Variants in RBFOX3 observed in about 807,000 individuals in gnomAD.
The protein encoded by RBFOX3 is RNA binding protein fox-1 homolog 3.
In RBFOX3, 17 loss-of-function variants were observed where a neutral mutation model predicts 48.7. That is an observed-to-expected ratio of 0.35 (90% CI 0.24 to 0.52). The LOEUF (loss-of-function observed/expected upper bound fraction) is 0.52. Among genes scored for constraint, RBFOX3 ranks in the 20% least tolerant of loss-of-function variants. The pLI is 0.94. For synonymous variants in RBFOX3, 212 were observed against 209.5 expected (o/e 1.01, Z -0.10); for missense variants, 382 against 497.5 (o/e 0.77, Z 2.21).
chr17:79,640,205 C>T, the RBFOX3 span, among the ~76,000 whole-genome samples: 2 of 151,914 alleles, frequency 1.3e-5, no homozygotes, highest in African/African-American at 4.8e-5. Flanking sequence ...GAAAGTAATC[C>T]CATTCACAAT....
At chr17:79,607,338 A>G (rs901869415) in intron 1 of RBFOX3, among the ~76,000 whole-genome samples, 6 of 152,262 alleles carry the variant, frequency 3.9e-5, no homozygotes, top group African/African-American at 1.4e-4. Context: ...AGTATCAAGC[A>G]GGAGCGTGGA....
chr17:79,622,966 C>A, the RBFOX3 span, among the ~76,000 whole-genome samples: 1 of 152,148 alleles, frequency 6.6e-6, no homozygotes, highest in Non-Finnish European at 1.5e-5. Context: ...TCTACCACGC[C>A]CTGTCCTCAG....
rs1296536493 is a variant in RBFOX3 at position 79,220,539 on chromosome 17, T to G, written c.-34+15227A>C. Among the ~76,000 whole-genome samples, 1 of 151,964 alleles carries G rather than the reference T, an allele frequency of 6.6e-6. No homozygotes were observed. The highest frequency in any genetic ancestry group is 1.9e-4 in the East Asian group (1 of 5,160). ...TCACTCCTGCTGCCTGGATCTCTGT[T>G]CAGAGTTGAACTACAGCGTCCTGAT... On this transcript the variant is annotated intron_variant, in intron 4 of 14. Transcript: ENST00000693108. The surrounding 1 kb of genome is among the most constrained non-coding windows in gnomAD (Gnocchi z 5.9).
intron 1 of RBFOX3, among the ~76,000 whole-genome samples, chr17:79,544,178 G>C (rs369378017): frequency 1.1e-4 from 16 of 152,172 alleles, no homozygotes; most frequent in African/African-American, 3.4e-4. Context: ...TGGTTGGTGT[G>C]GTCCCTGGAC....
At chr17:79,094,189 C>T (rs557371487) in intron 14 of RBFOX3, 127 of 417,190 alleles carry the variant, frequency 3.0e-4, no homozygotes, top group African/African-American at 2.1e-3. Flanking sequence ...CTCAGGGAAA[C>T]GGATCAGGCA....
intron 3 of RBFOX3, among the ~76,000 whole-genome samples, chr17:79,247,787 G>A (rs978691118): frequency 1.3e-4 from 20 of 152,198 alleles, no homozygotes; most frequent in African/African-American, 4.3e-4. Context: ...TAGATCTGGC[G>A]GTTGATCCAT....
At chr17:79,415,368 T>TG (rs1217880551) in intron 2 of RBFOX3, among the ~76,000 whole-genome samples, 16 of 152,138 alleles carry the variant, frequency 1.1e-4, no homozygotes, top group South Asian at 2.1e-4. Flanking sequence ...TTTTTGATCC[T>TG]GGGGGTCAGA....
intron 1 of RBFOX3, among the ~76,000 whole-genome samples, chr17:79,506,517 G>C (rs1555778811): frequency 6.6e-6 from 1 of 152,218 alleles, no homozygotes; most frequent in Non-Finnish European, 1.5e-5. Context: ...CCCAAGAGGA[G>C]TGCTCCAGTG....
chr17:79,387,276 G>A (rs2060683036), intron 2 of RBFOX3, among the ~76,000 whole-genome samples: 1 of 152,222 alleles, frequency 6.6e-6, no homozygotes, highest in Non-Finnish European at 1.5e-5. Context: ...AGGGTTTTGT[G>A]TATCTGAGTG....
chr17:79,492,122 G>A (rs1419294622), intron 1 of RBFOX3, among the ~76,000 whole-genome samples: 2 of 152,168 alleles, frequency 1.3e-5, no homozygotes, highest in Non-Finnish European at 2.9e-5. Flanking sequence ...TTTCAAGGCC[G>A]ATGGGGCTGA....
chr17:79,385,418 C>T (rs2060434778), intron 2 of RBFOX3, among the ~76,000 whole-genome samples: 1 of 152,156 alleles, frequency 6.6e-6, no homozygotes, highest in South Asian at 2.1e-4. Context: ...AAACCATCAT[C>T]CATCGAGGGT....
chr17:79,618,287 G>A, the RBFOX3 span, among the ~76,000 whole-genome samples: 4 of 152,284 alleles, frequency 2.6e-5, no homozygotes, highest in South Asian at 2.1e-4. Flanking sequence ...GGGAACAGGC[G>A]CCGCAGTCCA....
the RBFOX3 span, among the ~76,000 whole-genome samples, chr17:79,622,500 G>A: frequency 6.6e-5 from 10 of 152,188 alleles, no homozygotes; most frequent in African/African-American, 1.7e-4. Flanking sequence ...TCAGAGGACC[G>A]CAGACTGTGG....
intron 3 of RBFOX3, among the ~76,000 whole-genome samples, chr17:79,245,894 G>A (rs1444314397): frequency 6.6e-6 from 1 of 152,048 alleles, no homozygotes; most frequent in African/African-American, 2.4e-5. Flanking sequence ...CCAAAGTGCT[G>A]GGATTCCAGA....
At chr17:79,263,820 T>G (rs1238587525) in intron 3 of RBFOX3, among the ~76,000 whole-genome samples, 1 of 152,076 alleles carries the variant, frequency 6.6e-6, no homozygotes, top group Non-Finnish European at 1.5e-5. Flanking sequence ...CCCCCAGAGC[T>G]GGAATGTGAC....
intron 4 of RBFOX3, among the ~76,000 whole-genome samples, chr17:79,175,385 G>A (rs1437258613): frequency 6.6e-6 from 1 of 152,206 alleles, no homozygotes; most frequent in Non-Finnish European, 1.5e-5. Context: ...CATTCCTCTG[G>A]AGTCCCTGTC....
At chr17:79,226,010 AT>A (rs2060275487) in intron 4 of RBFOX3, among the ~76,000 whole-genome samples, 1 of 152,130 alleles carries the variant, frequency 6.6e-6, no homozygotes, top group Admixed American at 6.5e-5. Flanking sequence ...AGTGTAATTG[AT>A]GAGGTGATGT....
chr17:79,529,204 G>A lies in RBFOX3; in HGVS notation c.-319-46606C>T, dbSNP rs1315700692. Among the ~76,000 whole-genome samples the A allele has an allele frequency of 3.9e-5, 6 of 152,142 alleles. 1 individual carries two copies. The highest frequency in any genetic ancestry group is 5.9e-5 in the Non-Finnish European group (4 of 68,034). On this transcript the variant is annotated intron_variant, in intron 1 of 14. Transcript: ENST00000693108. ...AACTTTCTATGAGCCTATAGTTATC[G>A]CAAAACAAAAGCCTGGGGGATGGGG...
intron 2 of RBFOX3, among the ~76,000 whole-genome samples, chr17:79,325,288 T>G (rs958543308): frequency 2.6e-5 from 4 of 152,062 alleles, no homozygotes; most frequent in African/African-American, 7.3e-5. Flanking sequence ...GCCTGTGGGG[T>G]GCGGCCTTCC....
Sources: allele counts gnomAD v4.1 joint callset (sites outside exome capture counted in the v4.1 genomes callset), GRCh38; gene constraint gnomAD v4.1.1; non-coding constraint Gnocchi (gnomAD v3.1); transcripts MANE v1.5; gene names NCBI Gene and HGNC (gene_info 2026-07-23, HGNC 2026-07-21).